MTUS1: variants seen among roughly 807,000 people sequenced by gnomAD.
MTUS1 encodes microtubule associated scaffold protein 1.
Under a neutral mutation model 120.8 loss-of-function variants are expected in MTUS1, and 109 were observed. The ratio of observed to expected loss-of-function variants is 0.90; its 90% CI spans 0.77 to 1.06. The LOEUF (loss-of-function observed/expected upper bound fraction) is 1.06, where lower values mean the gene tolerates loss of function less well. Ranked by LOEUF, MTUS1 falls within the 50% of genes least tolerant of loss-of-function variation. MTUS1 has a pLI of 0.00. For missense variants in MTUS1, 2,210 were observed against 1,486.3 expected (o/e 1.49, Z -8.01); for synonymous variants, 737 against 550.5 (o/e 1.34, Z -4.74).
rs140860915 is a variant in MTUS1 at position 17,703,334 on chromosome 8, A to T, written c.2623+9880T>A. ...CGGCCGCTCTGGGAGTGTCTGTCCT[A>T]TGCGGTGGAGATAGCTTGGCCGGGT... On this transcript the variant is annotated intron_variant, in intron 6 of 14. Coordinates refer to ENST00000693296, the MANE Select transcript of MTUS1 (RefSeq NM_001363059.2). Among the ~76,000 whole-genome samples, 931 of 152,184 alleles carry T rather than the reference A, an allele frequency of 6.1e-3. 12 individuals carry two copies. Among genetic ancestry groups the T allele is most frequent in the African/African-American group, 0.021 (884 of 41,512 alleles).
In MTUS1 at chr8:17,646,043, C is replaced by A; in HGVS notation, c.3696G>T (p.Trp1232Cys). 1 of 1,613,686 alleles carries A rather than the reference C, an allele frequency of 6.2e-7. No homozygotes were observed. The highest frequency in any genetic ancestry group is 8.5e-7 in the Non-Finnish European group (1 of 1,179,926). ...TACACAGGTCCCCATTGTGCAGTTT[C>A]CACAGAAGCTCCTCGTTTTCCATAG... ...RLSMENEELLWKLHNGDLCSP... is the reference protein window; with the variant it reads ...RLSMENEELLCKLHNGDLCSP... Residue 1232 changes from tryptophan (W) to cysteine (C), a missense_variant, in exon 15 of 15, where the codon TGG (tryptophan) becomes TGT (cysteine). Trp to Cys is a radical substitution (Grantham distance 215, BLOSUM62 -2). Coordinates refer to ENST00000693296, the MANE Select transcript of MTUS1 (RefSeq NM_001363059.2).
intron 3 of MTUS1, among the ~76,000 whole-genome samples, chr8:17,736,669 C>A (rs2046955980): frequency 6.6e-6 from 1 of 152,104 alleles, no homozygotes; most frequent in Non-Finnish European, 1.5e-5. Flanking sequence ...GCTGCAACCT[C>A]CACCTCCCAG....
At chr8:17,799,893 C>G (rs1012716319) in intron 1 of MTUS1, among the ~76,000 whole-genome samples, 2 of 151,812 alleles carry the variant, frequency 1.3e-5, no homozygotes, top group African/African-American at 4.8e-5. Flanking sequence ...GCATGTAGTT[C>G]TAATCTTTTC....
intron 8 of MTUS1, among the ~76,000 whole-genome samples, chr8:17,658,780 G>A (rs1477968181): frequency 6.6e-6 from 1 of 152,138 alleles, no homozygotes; most frequent in Non-Finnish European, 1.5e-5. Flanking sequence ...CTACAATGGT[G>A]TCAACTTGTT....
chr8:17,786,372 C>T (rs964023700), intron 1 of MTUS1, among the ~76,000 whole-genome samples: 4 of 152,078 alleles, frequency 2.6e-5, no homozygotes, highest in African/African-American at 2.4e-5. Flanking sequence ...TCCTCCAGGA[C>T]CCAGGCACCA....
In MTUS1 at chr8:17,644,842, T is replaced by C. The variant is rs1805481994; in HGVS notation, c.*1084A>G. 6.6e-6 allele frequency: 1 copy of C among 152,022 alleles called. No individual in the cohort carries two copies. The highest frequency in any genetic ancestry group is 2.4e-5 in the African/African-American group (1 of 41,284). 9.4% of individuals were successfully genotyped at this position (152,022 alleles called of 1,614,324 possible). A position where few individuals can be genotyped will look rare whatever the true frequency, so the allele number is the denominator to read the frequency against. ...CAGCACCTGGAAGATGAGCTGGCTC[T>C]GGGGCTCTGGAAAATCATATTCCTT... On this transcript the variant is annotated 3_prime_UTR_variant, in exon 15 of 15. Coordinates refer to ENST00000693296, the MANE Select transcript of MTUS1 (RefSeq NM_001363059.2).
chr8:17,684,668 G>C (rs1815378622), intron 6 of MTUS1, 126 bp from the exon 7 acceptor site: 2 of 722,004 alleles, frequency 2.8e-6, no homozygotes, highest in East Asian at 2.5e-5. Context: ...TGTAAGGAAT[G>C]CATATGGATG....
chr8:17,775,009 T>C (rs1001745194), intron 1 of MTUS1, among the ~76,000 whole-genome samples: 1 of 80,306 alleles, frequency 1.2e-5, no homozygotes, highest in African/African-American at 4.5e-5. Context: ...AAAGGACAAA[T>C]ATTGGATGAT....
chr8:17,646,715 T>C (rs948526516), intron 14 of MTUS1, among the ~76,000 whole-genome samples: 2 of 152,226 alleles, frequency 1.3e-5, no homozygotes, highest in African/African-American at 4.8e-5. Flanking sequence ...TGGTTTTGTG[T>C]TGCTCTTTGT....
chr8:17,745,596 T>A (rs981379736), intron 2 of MTUS1, among the ~76,000 whole-genome samples: 6 of 152,250 alleles, frequency 3.9e-5, no homozygotes, highest in Non-Finnish European at 7.3e-5. Context: ...TAATTCACCA[T>A]ATTCTGCCTT....
chr8:17,746,498 A>AG (rs1352521519), intron 2 of MTUS1, among the ~76,000 whole-genome samples: 2 of 152,164 alleles, frequency 1.3e-5, no homozygotes, highest in African/African-American at 4.8e-5. Flanking sequence ...TCATCTTACA[A>AG]GGCAGCAGAC....
chr8:17,703,210 G>A (rs1260618452), intron 6 of MTUS1, among the ~76,000 whole-genome samples: 2 of 152,160 alleles, frequency 1.3e-5, no homozygotes, highest in African/African-American at 2.4e-5. Flanking sequence ...ATAAATGGAC[G>A]TGCGAGTAGG....
chr8:17,790,167 T>G (rs1037598822), intron 1 of MTUS1, among the ~76,000 whole-genome samples: 1 of 151,890 alleles, frequency 6.6e-6, no homozygotes, highest in Admixed American at 6.6e-5. Context: ...GCTAACATGG[T>G]GAAGCCCCAC....
intron 8 of MTUS1, among the ~76,000 whole-genome samples, chr8:17,666,285 A>C (rs1043444749): frequency 1.3e-5 from 2 of 151,022 alleles, no homozygotes; most frequent in African/African-American, 2.4e-5. Flanking sequence ...TCAATGTAAA[A>C]AAAAAAAAAA....
chr8:17,660,276 G>A (rs1809387681), intron 8 of MTUS1, among the ~76,000 whole-genome samples: 1 of 152,170 alleles, frequency 6.6e-6, no homozygotes. Flanking sequence ...GGGAGGCTGA[G>A]GCAGGAGAAT....
rs767030171 is a variant in MTUS1 at position 17,755,384 on chromosome 8, G to A, written c.424C>T (p.Pro142Ser). 1 of 1,614,146 alleles carries A rather than the reference G, an allele frequency of 6.2e-7. No individual in the cohort carries two copies. Among genetic ancestry groups the A allele is most frequent in the Non-Finnish European group, 8.5e-7 (1 of 1,180,006 alleles). The change falls in exon 2 of 15, where the codon CCT becomes TCT. Residue 142 changes from proline (P) to serine (S), a missense_variant. Transcript: ENST00000693296. ...CCTGCACAGTTCAAATTGTCATTAGGCTTCCACACAAAAGGCAAAGATGGC... is the reference window on the plus strand; with the variant it reads ...CCTGCACAGTTCAAATTGTCATTAGACTTCCACACAAAAGGCAAAGATGGC... ...VEPSLPFVWKPNDNLNCAGYC... is the reference protein window; with the variant it reads ...VEPSLPFVWKSNDNLNCAGYC...
chr8:17,798,207 G>C lies in MTUS1; in HGVS notation c.-155+2854C>G, dbSNP rs78632251. ...TTCTGCTCTGATTTCAAAGGATGTT[G>C]TTCCTAATAGTATATACCAGGCCCA... On this transcript the variant is annotated intron_variant, in intron 1 of 14. Coordinates refer to ENST00000693296, the MANE Select transcript of MTUS1 (RefSeq NM_001363059.2). 4.4e-3 allele frequency among the ~76,000 whole-genome samples: 673 copies of C among 152,260 alleles called. 5 individuals carry two copies. The highest frequency in any genetic ancestry group is 7.0e-3 in the Non-Finnish European group (475 of 68,024).
chr8:17,759,656 T>C (rs140879052), intron 1 of MTUS1, among the ~76,000 whole-genome samples: 40 of 148,136 alleles, frequency 2.7e-4, no homozygotes, highest in African/African-American at 9.1e-4. Context: ...AAATACGTAA[T>C]ATAAAATATA....
chr8:17,728,422 T>C (rs780078501), intron 3 of MTUS1, among the ~76,000 whole-genome samples: 1 of 152,190 alleles, frequency 6.6e-6, no homozygotes, highest in Non-Finnish European at 1.5e-5. Context: ...ATCATCTTAA[T>C]AAAAATCTGG....
Sources: gnomAD v4.1 joint callset for allele counts (sites outside exome capture counted in the v4.1 genomes callset) on GRCh38, gnomAD v4.1.1 for gene constraint, MANE v1.5 for transcripts, NCBI Gene and HGNC (gene_info 2026-07-23, HGNC 2026-07-21) for gene names.